MEGF10: variants seen among roughly 807,000 people sequenced by gnomAD.
MEGF10 encodes multiple EGF like domains 10.
MEGF10 carries 86 observed loss-of-function variants against 147.5 expected under a neutral mutation model. The observed-to-expected ratio is 0.58, with a 90% CI of 0.49 to 0.70. MEGF10 has a LOEUF of 0.70. Among genes scored for constraint, MEGF10 ranks in the 30% least tolerant of loss-of-function variants. The pLI is 0.00. For synonymous variants in MEGF10, 478 were observed against 525.5 expected (o/e 0.91, Z 1.24); for missense variants, 1,329 against 1,487.3 (o/e 0.89, Z 1.75).
the MEGF10 span, among the ~76,000 whole-genome samples, chr5:127,259,697 T>C: frequency 1.2e-4 from 19 of 152,304 alleles, no homozygotes; most frequent in Middle Eastern, 3.4e-3. Flanking sequence ...TGATGTCTTG[T>C]GCCACTCTGG....
the MEGF10 span, among the ~76,000 whole-genome samples, chr5:127,262,087 T>G: frequency 6.6e-6 from 1 of 152,220 alleles, no homozygotes; most frequent in Non-Finnish European, 1.5e-5. Context: ...TTAATGCCCT[T>G]TGGTATATGA....
At position 127,434,635 on chromosome 5, in the gene MEGF10, C is replaced by T. The variant is rs1221182119; in HGVS notation, c.1841-52C>T. On this transcript the variant is annotated intron_variant, in intron 14 of 24. Coordinates refer to ENST00000503335, the MANE Select transcript of MEGF10 (RefSeq NM_001256545.2). ...TTTAACTAGATCCCGATCTGGAATG[C>T]GAGACAAACGCATCTCAGAAGGATA... 16 of 1,534,406 alleles carry T rather than the reference C, an allele frequency of 1.0e-5. 1 individual carries two copies. The highest frequency in any genetic ancestry group is 3.5e-4 in the Middle Eastern group (2 of 5,738).
At position 127,458,593 on chromosome 5, in the gene MEGF10, G is replaced by A. The variant is rs1766451284; in HGVS notation, c.*1275G>A. 6.6e-6 allele frequency: 1 copy of A among 152,230 alleles called. No individual in the cohort carries two copies. Among genetic ancestry groups the A allele is most frequent in the Admixed American group, 6.5e-5 (1 of 15,282 alleles). The allele number at this position is 152,230 out of a possible 1,614,324, so 9.4% of individuals were successfully genotyped here. ...GTTCTTTTTTCTTTTGGAGGGACAA[G>A]ATGAAAATATATAATTTGAATTGAT... On this transcript the variant is annotated 3_prime_UTR_variant, in exon 25 of 25. Coordinates refer to ENST00000503335, the MANE Select transcript of MEGF10 (RefSeq NM_001256545.2).
intron 17 of MEGF10, among the ~76,000 whole-genome samples, chr5:127,439,821 C>T (rs935165026): frequency 6.6e-6 from 1 of 152,108 alleles, no homozygotes; most frequent in Non-Finnish European, 1.5e-5. Flanking sequence ...AATATCCATC[C>T]CTGCATTTCT....
At chr5:127,407,422 A>G (rs1248950666) in intron 8 of MEGF10, among the ~76,000 whole-genome samples, 1 of 152,132 alleles carries the variant, frequency 6.6e-6, no homozygotes, top group South Asian at 2.1e-4. Context: ...ACAACATAAT[A>G]ATAGAAACAA....
the MEGF10 span, among the ~76,000 whole-genome samples, chr5:127,276,999 C>G: frequency 6.6e-6 from 1 of 152,022 alleles, no homozygotes; most frequent in Non-Finnish European, 1.5e-5. Flanking sequence ...TGCAAGGGCT[C>G]TAAGGTAGAA....
chr5:127,397,289 T>C (rs1423774621), intron 6 of MEGF10, among the ~76,000 whole-genome samples: 4 of 152,226 alleles, frequency 2.6e-5, no homozygotes, highest in Non-Finnish European at 5.9e-5. Flanking sequence ...CATACATTAT[T>C]TAATGCTCAT....
chr5:127,314,915 C>T (rs1467203598), intron 1 of MEGF10, among the ~76,000 whole-genome samples: 1 of 151,978 alleles, frequency 6.6e-6, no homozygotes, highest in African/African-American at 2.4e-5. Flanking sequence ...TGAATGTATT[C>T]ATTGTGATGG....
At chr5:127,359,286 T>G (rs896225969) in intron 4 of MEGF10, among the ~76,000 whole-genome samples, 6 of 152,156 alleles carry the variant, frequency 3.9e-5, no homozygotes, top group Non-Finnish European at 8.8e-5. Context: ...CTCAGATTTT[T>G]TTTTTTCTCT....
Position 127,434,821 on chromosome 5 carries a change from G to C in MEGF10, c.1975G>C (p.Val659Leu), listed in dbSNP as rs1580866706. The change falls in exon 15 of 25, where the codon GTG (valine) becomes CTG (leucine). Residue 659 changes from valine to leucine, a missense_variant and splice_region_variant. This residue lies in a region of MEGF10 where 980 missense variants were observed against 1,085.9 expected (regional missense o/e 0.90). Coordinates refer to ENST00000503335, the MANE Select transcript of MEGF10 (RefSeq NM_001256545.2). ...CTTCACAGGCGCCCTCTGCAATGAA[G>C]GTAAGGCACGAAGCATCCCGGACAG... is the stretch of plus-strand genomic sequence containing the variant. Reference protein sequence around the residue: ...PGFTGALCNEVCPSGRFGKNC... With the variant: ...PGFTGALCNELCPSGRFGKNC... 4 of 1,611,964 alleles carry C rather than the reference G, an allele frequency of 2.5e-6. No individual in the cohort carries two copies. The highest frequency in any genetic ancestry group is 3.4e-6 in the Non-Finnish European group (4 of 1,179,778).
At chr5:127,280,427 T>C in the MEGF10 span, among the ~76,000 whole-genome samples, 1 of 152,154 alleles carries the variant, frequency 6.6e-6, no homozygotes, top group Admixed American at 6.5e-5. Context: ...AAGTCCAATA[T>C]TTGCCTGGCT....
At chr5:127,386,588 T>G (rs537560824) in intron 5 of MEGF10, among the ~76,000 whole-genome samples, 1 of 152,236 alleles carries the variant, frequency 6.6e-6, no homozygotes, top group Non-Finnish European at 1.5e-5. Flanking sequence ...CTTGCAGGCC[T>G]GAACTCACTC....
At chr5:127,394,162 T>G (rs1250090662) in intron 5 of MEGF10, among the ~76,000 whole-genome samples, 1 of 152,226 alleles carries the variant, frequency 6.6e-6, no homozygotes, top group Non-Finnish European at 1.5e-5. Context: ...CAACTAATTC[T>G]CTACTGAACA....
intron 2 of MEGF10, among the ~76,000 whole-genome samples, chr5:127,338,018 A>C (rs1161906313): frequency 6.6e-6 from 1 of 152,136 alleles, no homozygotes; most frequent in Non-Finnish European, 1.5e-5. Context: ...AGCCTGATAC[A>C]TAATGACTAC....
the MEGF10 span, among the ~76,000 whole-genome samples, chr5:127,255,621 A>C: frequency 6.6e-6 from 1 of 152,210 alleles, no homozygotes; most frequent in Non-Finnish European, 1.5e-5. Flanking sequence ...GTTTCAATAC[A>C]ATGGATAGAG....
Position 127,299,462 on chromosome 5 carries a change from T to C in MEGF10, c.-19+8406T>C, listed in dbSNP as rs114483604. Reference sequence around the variant, plus strand: ...CCTCACCCCTAACTTTCAAACTGGATTCTAGCCCTGGAGGGAAAGGGTTGC... The same window carrying C: ...CCTCACCCCTAACTTTCAAACTGGACTCTAGCCCTGGAGGGAAAGGGTTGC... On this transcript the variant is annotated intron_variant, in intron 1 of 24. Transcript: ENST00000503335. Among the ~76,000 whole-genome samples the C allele has an allele frequency of 8.9e-3, 1,359 of 152,264 alleles. 17 individuals carry two copies. Among genetic ancestry groups the C allele is most frequent in the African/African-American group, 0.031 (1,308 of 41,552 alleles).
At chr5:127,400,835 C>T (rs1041407809) in intron 7 of MEGF10, among the ~76,000 whole-genome samples, 1 of 152,158 alleles carries the variant, frequency 6.6e-6, no homozygotes, top group African/African-American at 2.4e-5. Flanking sequence ...GGCCCCTTAC[C>T]TTACTTCTGC....
intron 1 of MEGF10, among the ~76,000 whole-genome samples, chr5:127,307,710 T>C (rs1048466846): frequency 2.6e-5 from 4 of 152,358 alleles, no homozygotes; most frequent in African/African-American, 7.2e-5. Context: ...CAACCCACCA[T>C]GATAGATCTT....
intron 22 of MEGF10, among the ~76,000 whole-genome samples, chr5:127,453,996 G>C (rs76530776): frequency 6.6e-6 from 1 of 152,036 alleles, no homozygotes; most frequent in Admixed American, 6.5e-5. Context: ...AGGTTTTTTT[G>C]TGTGTATCTA....
Sources: gnomAD v4.1 joint callset for allele counts (sites outside exome capture counted in the v4.1 genomes callset) on GRCh38, gnomAD v4.1.1 for gene constraint, gnomAD v4.1.1 regional missense constraint, MANE v1.5 for transcripts, NCBI Gene and HGNC (gene_info 2026-07-23, HGNC 2026-07-21) for gene names.